The following TRIM34 variants were observed in gnomAD, a reference collection of about 807,000 sequenced individuals.
TRIM34 encodes tripartite motif containing 34.
In TRIM34, 41 loss-of-function variants were observed where a neutral mutation model predicts 38.1. The observed-to-expected ratio is 1.08, with a 90% confidence interval of 0.84 to 1.40. The LOEUF (loss-of-function observed/expected upper bound fraction) is 1.40. TRIM34 is among the 40% of genes most tolerant of loss of function. The pLI is 0.00. For synonymous variants in TRIM34, 200 were observed against 202.5 expected (o/e 0.99, Z 0.10); for missense variants, 556 against 571.4 (o/e 0.97, Z 0.27).
chr11:5,632,656 AAGG>A lies in TRIM34; in HGVS notation c.330_332del (p.Glu110del). The A allele has an allele frequency of 6.2e-7, 1 of 1,612,890 alleles. No individual in the cohort carries two copies. ...TGGAGAGAAACTCCTACTCTTCTGT[AAGG>A]AGGATAGGAAAGTCATTTGCTGGCT... On this transcript the variant is annotated inframe_deletion, in exon 2 of 8. Coordinates refer to ENST00000429814, the MANE Select transcript of TRIM34 (RefSeq NM_021616.6).
intron 4 of TRIM34, among the ~76,000 whole-genome samples, chr11:5,639,346 TA>T (rs1402748572): frequency 6.6e-6 from 1 of 152,026 alleles, no homozygotes; most frequent in African/African-American, 2.4e-5. Flanking sequence ...AATGATTAGA[TA>T]TAAAGGTTGA....
rs745849246 is a variant in TRIM34 at position 5,643,125 on chromosome 11, A to ATT, written c.902-9_902-8dup. 683 of 974,568 alleles carry ATT rather than the reference A, an allele frequency of 7.0e-4. 8 individuals are homozygous for ATT. In the African/African-American group the frequency reaches 0.014, roughly 20 times the overall value. 60.4% of individuals were successfully genotyped at this position (974,568 alleles called of 1,614,324 possible). ...ATTATATTCATATACATATATATATATTTTTTTTTTTCTTGCAGTGGATGT... is the reference window on the plus strand; with the variant it reads ...ATTATATTCATATACATATATATATATTTTTTTTTTTTTCTTGCAGTGGATGT... On this transcript the variant is annotated intron_variant, in intron 7 of 7. Transcript: ENST00000429814.
Position 5,641,052 on chromosome 11 carries a change from T to A in TRIM34, c.751-115T>A, listed in dbSNP as rs568470753. ...AAATGTTTGCCAATTTTGTTGACAT[T>A]TTCATATAACTCACTTCTGATTTTT... On this transcript the variant is annotated intron_variant, in intron 4 of 7. Transcript: ENST00000429814. 6.4e-6 allele frequency: 9 copies of A among 1,398,164 alleles called. No individual in the cohort carries two copies. The East Asian group carries it at 1.8e-4, about 28-fold the overall frequency. The allele number at this position is 1,398,164 out of a possible 1,614,324, so 86.6% of individuals were successfully genotyped here.
In TRIM34 at chr11:5,640,080, T is replaced by C. The variant is rs552504538; in HGVS notation, c.751-1087T>C. Reference sequence around the variant, plus strand: ...GTATCAAATACTAAATCTTATTCATTCTATCTAACTGCCAACATAGAGCCT... The same window carrying C: ...GTATCAAATACTAAATCTTATTCATCCTATCTAACTGCCAACATAGAGCCT... On this transcript the variant is annotated intron_variant, in intron 4 of 7. Coordinates refer to ENST00000429814, the MANE Select transcript of TRIM34 (RefSeq NM_021616.6). Among the ~76,000 whole-genome samples the C allele has an allele frequency of 1.3e-3, 202 of 152,332 alleles. 2 individuals carry two copies. In the South Asian group the frequency reaches 0.04, roughly 30 times the overall value.
chr11:5,634,280 G>A (rs1849615581), intron 3 of TRIM34, among the ~76,000 whole-genome samples: 1 of 151,956 alleles, frequency 6.6e-6, no homozygotes, highest in Admixed American at 6.6e-5. Context: ...CTATCTAGAA[G>A]CTAAGCCTTA....
chr11:5,642,322 T>C, intron 5 of TRIM34, 84 bp from the exon 6 acceptor site: 1 of 1,232,298 alleles, frequency 8.1e-7, no homozygotes, highest in East Asian at 2.3e-5. Context: ...GCATCAGTGA[T>C]GTGAAGGAGA....
At position 5,643,849 on chromosome 11, in the gene TRIM34, T is replaced by C. The variant is rs1850131423; in HGVS notation, c.*140T>C. ...TCATCCTTGAGATGTATGGTGTATT[T>C]GGCTTGAGTTATGAGAGATGCTTAT... On this transcript the variant is annotated 3_prime_UTR_variant, in exon 8 of 8. Coordinates refer to ENST00000429814, the MANE Select transcript of TRIM34 (RefSeq NM_021616.6). The C allele has an allele frequency of 1.7e-6, 2 of 1,177,538 alleles. No homozygotes were observed. The highest frequency in any genetic ancestry group is 2.4e-6 in the Non-Finnish European group (2 of 848,146). The allele number at this position is 1,177,538 out of a possible 1,614,324, so 72.9% of individuals were successfully genotyped here. A position where few individuals can be genotyped will look rare whatever the true frequency, so the allele number is the denominator to read the frequency against.
At chr11:5,627,062 C>T (rs1849276654) in intron 1 of TRIM34, among the ~76,000 whole-genome samples, 1 of 151,998 alleles carries the variant, frequency 6.6e-6, no homozygotes, top group Middle Eastern at 3.4e-3. Flanking sequence ...GATGTAAGAA[C>T]AGAGATGAGA....
chr11:5,643,026 A>AGT, intron 7 of TRIM34, 118 bp from the exon 8 acceptor site: 1 of 1,289,962 alleles, frequency 7.8e-7, no homozygotes. Context: ...GTCACTTCCC[A>AGT]AGTTCGTTCA....
rs1282170545 is a variant in TRIM34, at chr11:5,641,153, T to C, written c.751-14T>C. The C allele has an allele frequency of 6.2e-7, 1 of 1,613,406 alleles. No homozygotes were observed. The highest frequency in any genetic ancestry group is 2.2e-5 in the East Asian group (1 of 44,870). ...TTTATACACTTTGACTCATGTTTTC[T>C]CTTTTCTTTCTAGGACATGAGTGGA... On this transcript the variant is annotated splice_polypyrimidine_tract_variant and intron_variant, in intron 4 of 7. Coordinates refer to ENST00000429814, the MANE Select transcript of TRIM34 (RefSeq NM_021616.6).
At chr11:5,639,091 A>G (rs1303879626) in intron 4 of TRIM34, among the ~76,000 whole-genome samples, 1 of 152,162 alleles carries the variant, frequency 6.6e-6, no homozygotes, top group Non-Finnish European at 1.5e-5. Context: ...TTGTATGTCT[A>G]AGAATGCTTT....
At chr11:5,631,371 T>A (rs979596589) in intron 1 of TRIM34, among the ~76,000 whole-genome samples, 1 of 152,200 alleles carries the variant, frequency 6.6e-6, no homozygotes, top group Non-Finnish European at 1.5e-5. Flanking sequence ...GAAAGAGAAC[T>A]CTGAGGGTAT....
upstream of TRIM34, among the ~76,000 whole-genome samples, chr11:5,624,513 G>A (rs1413280433): frequency 1.3e-5 from 2 of 152,184 alleles, no homozygotes; most frequent in Admixed American, 6.5e-5. Flanking sequence ...AAACTGATTC[G>A]AGGGACCATG....
At chr11:5,629,777 G>C (rs1163329372) in intron 1 of TRIM34, among the ~76,000 whole-genome samples, 5 of 152,100 alleles carry the variant, frequency 3.3e-5, no homozygotes, top group Non-Finnish European at 4.4e-5. Flanking sequence ...GTGCGATCTC[G>C]GCTCACTGGA....
At chr11:5,636,396 C>T (rs1849735808) in intron 4 of TRIM34, among the ~76,000 whole-genome samples, 1 of 152,124 alleles carries the variant, frequency 6.6e-6, no homozygotes, top group Non-Finnish European at 1.5e-5. Context: ...AATTAGTGTA[C>T]AATTTCTATT....
intron 1 of TRIM34, among the ~76,000 whole-genome samples, chr11:5,627,575 T>C (rs962578670): frequency 1.3e-5 from 2 of 152,196 alleles, no homozygotes; most frequent in African/African-American, 2.4e-5. Flanking sequence ...AATGATTCTA[T>C]GTTAAAAAAT....
At position 5,634,522 on chromosome 11, in the gene TRIM34, CACACACACATATATAT is replaced by C. The variant is rs1325937480; in HGVS notation, c.520-107_520-92del. The C allele has an allele frequency of 1.5e-5, 10 of 662,932 alleles. No homozygotes were observed. In the African/African-American group the frequency reaches 2.2e-4, roughly 14 times the overall value. 41.1% of individuals were successfully genotyped at this position (662,932 alleles called of 1,614,324 possible). A position where few individuals can be genotyped will look rare whatever the true frequency, so the allele number is the denominator to read the frequency against. On this transcript the variant is annotated intron_variant, in intron 3 of 7. Coordinates refer to ENST00000429814, the MANE Select transcript of TRIM34 (RefSeq NM_021616.6). ...ACACACACACACACACACACACACA[CACACACACATATATAT>C]ATATATATATTTCCCTACTGGCTCC...
upstream of TRIM34, among the ~76,000 whole-genome samples, chr11:5,623,534 ATTTT>A (rs372066980): frequency 3.9e-5 from 5 of 126,626 alleles, no homozygotes; most frequent in Admixed American, 3.3e-4. Flanking sequence ...TGCCCGGCTA[ATTTT>A]TTTTTTTTTT....
chr11:5,632,993 A>AT (rs147651925), intron 2 of TRIM34, among the ~76,000 whole-genome samples: 88 of 122,286 alleles, frequency 7.2e-4, no homozygotes, highest in South Asian at 1.1e-3. Flanking sequence ...CGCCTGGCTA[A>AT]TTTTTTTTTT....
Sources: allele counts gnomAD v4.1 joint callset (sites outside exome capture counted in the v4.1 genomes callset), GRCh38; gene constraint gnomAD v4.1.1; transcripts MANE v1.5; gene names NCBI Gene and HGNC (gene_info 2026-07-23, HGNC 2026-07-21).